Variants in SLC9B1 observed in about 807,000 individuals in gnomAD.
SLC9B1 encodes the protein solute carrier family 9 member B1, also known as sodium/hydrogen exchanger 9B1.
In SLC9B1, 32 loss-of-function variants were observed where a neutral mutation model predicts 51.7. The ratio of observed to expected loss-of-function variants is 0.62; its 90% CI spans 0.47 to 0.83. The LOEUF (loss-of-function observed/expected upper bound fraction) is 0.83. Among genes scored for constraint, SLC9B1 ranks in the 40% least tolerant of loss-of-function variants. SLC9B1 has a pLI of 0.00. For synonymous variants in SLC9B1, 145 were observed against 212.7 expected (o/e 0.68, Z 2.77); for missense variants, 406 against 613.2 (o/e 0.66, Z 3.57).
intron 1 of SLC9B1, among the ~76,000 whole-genome samples, chr4:102,995,379 A>C (rs981771363): frequency 6.6e-6 from 1 of 152,240 alleles, no homozygotes; most frequent in African/African-American, 2.4e-5. Flanking sequence ...GCTGTGAGTC[A>C]TAAGTAAGCA....
At chr4:102,991,779 T>TTAA in intron 1 of SLC9B1, 67 bp from the exon 2 acceptor site, 1 of 1,096,792 alleles carries the variant, frequency 9.1e-7, no homozygotes, top group Admixed American at 3.0e-5. Context: ...AAAACAAACA[T>TTAA]GGTTAAGTGG....
At chr4:102,977,441 T>C (rs559903551) in intron 3 of SLC9B1, among the ~76,000 whole-genome samples, 1 of 152,234 alleles carries the variant, frequency 6.6e-6, no homozygotes, top group African/African-American at 2.4e-5. Flanking sequence ...AAATAATTTA[T>C]TATTATGCTT....
chr4:102,917,006 G>T (rs1735607960), intron 7 of SLC9B1, among the ~76,000 whole-genome samples: 1 of 152,190 alleles, frequency 6.6e-6, no homozygotes, highest in Non-Finnish European at 1.5e-5. Context: ...TCATGCAATT[G>T]GTTGCAAGTG....
chr4:102,983,767 C>T (rs1256286265), intron 3 of SLC9B1, among the ~76,000 whole-genome samples: 1 of 152,034 alleles, frequency 6.6e-6, no homozygotes, highest in Non-Finnish European at 1.5e-5. Flanking sequence ...TGTGTCTTCT[C>T]TCATATTTTT....
At chr4:102,898,842 C>T (rs371780859), downstream of SLC9B1, among the ~76,000 whole-genome samples, 9 of 152,330 alleles carry the variant, frequency 5.9e-5, no homozygotes, top group Middle Eastern at 3.4e-3. Context: ...ATTCTCCTGC[C>T]TCAGCCTCCC....
At chr4:102,943,226 G>A (rs1317591646) in intron 6 of SLC9B1, among the ~76,000 whole-genome samples, 1 of 151,748 alleles carries the variant, frequency 6.6e-6, no homozygotes, top group Non-Finnish European at 1.5e-5. Flanking sequence ...CACACTGCTG[G>A]GGGGAATGTA....
At chr4:102,945,893 G>A (rs1357038441) in intron 5 of SLC9B1, among the ~76,000 whole-genome samples, 3 of 152,008 alleles carry the variant, frequency 2.0e-5, no homozygotes, top group Non-Finnish European at 4.4e-5. Context: ...TTCATGAATA[G>A]TCATCTTCTT....
intron 6 of SLC9B1, among the ~76,000 whole-genome samples, chr4:102,943,608 C>T (rs1737125123): frequency 1.3e-5 from 2 of 151,780 alleles, no homozygotes; most frequent in South Asian, 2.1e-4. Context: ...TGGAAGGAGT[C>T]GGAGACCATT....
At chr4:102,996,759 T>A (rs948239920) in intron 1 of SLC9B1, among the ~76,000 whole-genome samples, 2 of 152,118 alleles carry the variant, frequency 1.3e-5, no homozygotes, top group Non-Finnish European at 2.9e-5. Context: ...GGCCCATTTG[T>A]CTATCCTTAG....
At chr4:102,930,805 A>T (rs1035145042) in intron 7 of SLC9B1, among the ~76,000 whole-genome samples, 15 of 152,236 alleles carry the variant, frequency 9.9e-5, no homozygotes, top group African/African-American at 3.6e-4. Context: ...AGGATAAGTA[A>T]TTATGATGCA....
At chr4:102,936,034 T>A (rs1485305242) in intron 6 of SLC9B1, among the ~76,000 whole-genome samples, 1 of 152,194 alleles carries the variant, frequency 6.6e-6, no homozygotes, top group Non-Finnish European at 1.5e-5. Context: ...ATCAGAGTGT[T>A]GTTGCCAGTG....
chr4:102,972,172 G>T (rs1229790408), intron 3 of SLC9B1, among the ~76,000 whole-genome samples: 1 of 152,106 alleles, frequency 6.6e-6, no homozygotes, highest in Non-Finnish European at 1.5e-5. Context: ...ACCAAAGCCT[G>T]GCAGAGACAC....
At chr4:102,965,648 C>T (rs1244473953) in intron 3 of SLC9B1, among the ~76,000 whole-genome samples, 1 of 152,158 alleles carries the variant, frequency 6.6e-6, no homozygotes, top group Non-Finnish European at 1.5e-5. Context: ...GTCCCTCTTA[C>T]ACTATAAAAT....
intron 1 of SLC9B1, among the ~76,000 whole-genome samples, chr4:103,003,849 T>C (rs2110532652): frequency 6.6e-6 from 1 of 152,242 alleles, no homozygotes; most frequent in East Asian, 1.9e-4. Flanking sequence ...CCTTGACCCC[T>C]TAAAATCTTC....
chr4:102,937,586 A>G (rs1356448936), intron 6 of SLC9B1, among the ~76,000 whole-genome samples: 6 of 150,886 alleles, frequency 4.0e-5, no homozygotes, highest in African/African-American at 1.5e-4. Context: ...TTAGCTGGGC[A>G]TGGTGATGCG....
chr4:102,918,937 G>A (rs1393853666), intron 7 of SLC9B1, among the ~76,000 whole-genome samples: 2 of 152,162 alleles, frequency 1.3e-5, no homozygotes, highest in African/African-American at 2.4e-5. Flanking sequence ...CCGACACTAT[G>A]TGGCAGCTGC....
chr4:102,914,746 G>C (rs1309120937), intron 7 of SLC9B1, among the ~76,000 whole-genome samples: 7 of 152,122 alleles, frequency 4.6e-5, no homozygotes. Context: ...GAGACTTATA[G>C]GATGCCATCA....
At chr4:103,006,769 A>G (rs760722998) in intron 1 of SLC9B1, among the ~76,000 whole-genome samples, 3 of 152,248 alleles carry the variant, frequency 2.0e-5, no homozygotes, top group Non-Finnish European at 4.4e-5. Flanking sequence ...TCAGCAGCAC[A>G]TGAAAAAGCT....
At chr4:102,916,297 T>TA (rs1320798173) in intron 7 of SLC9B1, among the ~76,000 whole-genome samples, 1 of 152,156 alleles carries the variant, frequency 6.6e-6, no homozygotes, top group Admixed American at 6.5e-5. Flanking sequence ...TGGCCATACT[T>TA]AGACAAAATA....
Sources: gnomAD v4.1 joint callset for allele counts (sites outside exome capture counted in the v4.1 genomes callset) on GRCh38, gnomAD v4.1.1 for gene constraint, MANE v1.5 for transcripts, NCBI Gene and HGNC (gene_info 2026-07-23, HGNC 2026-07-21) for gene names.